STX8: variants seen among roughly 807,000 people sequenced by gnomAD.
STX8 encodes the protein syntaxin-8.
A neutral mutation model predicts 37.5 loss-of-function variants in STX8; 23 were observed. That is an observed-to-expected ratio of 0.61 (90% CI 0.44 to 0.87). The LOEUF is 0.87. Ranked by LOEUF, STX8 falls within the 40% of genes least tolerant of loss-of-function variation. STX8 has a pLI of 0.00. For missense variants in STX8, 313 were observed against 284.7 expected (o/e 1.10, Z -0.71); for synonymous variants, 115 against 99.1 (o/e 1.16, Z -0.95).
intron 4 of STX8, among the ~76,000 whole-genome samples, chr17:9,526,934 T>C (rs113269646): frequency 0.037 from 5,612 of 151,234 alleles, 381 homozygotes; most frequent in African/African-American, 0.13. Context: ...AATCCCAGCA[T>C]TTTGGGAGGC....
At chr17:9,322,252 A>C (rs981229076) in intron 7 of STX8, among the ~76,000 whole-genome samples, 3 of 152,246 alleles carry the variant, frequency 2.0e-5, no homozygotes, top group African/African-American at 7.2e-5. Context: ...CATTACAAAG[A>C]GGAAGATCTC....
At chr17:9,573,505 A>G (rs752179317) in intron 1 of STX8, among the ~76,000 whole-genome samples, 2 of 152,174 alleles carry the variant, frequency 1.3e-5, no homozygotes, top group Non-Finnish European at 2.9e-5. Context: ...TAAATCTTAC[A>G]TGTATTAATT....
At chr17:9,484,365 A>G (rs146286395) in intron 6 of STX8, among the ~76,000 whole-genome samples, 1,630 of 151,148 alleles carry the variant, frequency 0.011, 12 homozygotes, top group Non-Finnish European at 0.018. Context: ...TTAAGAGAAA[A>G]GGATGCCCAA....
intron 7 of STX8, among the ~76,000 whole-genome samples, chr17:9,256,809 G>C (rs557952469): frequency 6.6e-6 from 1 of 152,156 alleles, no homozygotes; most frequent in African/African-American, 2.4e-5. Flanking sequence ...CATCGTACTC[G>C]GTCACGTGTG....
At chr17:9,564,227 G>C (rs919286413) in intron 2 of STX8, among the ~76,000 whole-genome samples, 13 of 152,108 alleles carry the variant, frequency 8.5e-5, no homozygotes, top group Non-Finnish European at 1.6e-4. Flanking sequence ...CATAGTATTG[G>C]AAGTCCTGAC....
intron 7 of STX8, among the ~76,000 whole-genome samples, chr17:9,308,120 A>G (rs150033145): frequency 4.6e-5 from 7 of 152,348 alleles, no homozygotes; most frequent in African/African-American, 1.4e-4. Context: ...CTTAGATTCA[A>G]TGAAGAGTGG....
chr17:9,556,585 G>A lies in STX8; in HGVS notation c.212+849C>T, dbSNP rs546522989. Among the ~76,000 whole-genome samples, 257 of 151,720 alleles carry A rather than the reference G, an allele frequency of 1.7e-3. 1 individual carries two copies. The highest frequency in any genetic ancestry group is 4.4e-3 in the South Asian group (21 of 4,796). On this transcript the variant is annotated intron_variant, in intron 3 of 7. Transcript: ENST00000306357. ...ACCTCCTGAGTAGCTGGGAGTACAGGCGTGCACCACCACGCCCAGCTAATT... is the reference window on the plus strand; with the variant it reads ...ACCTCCTGAGTAGCTGGGAGTACAGACGTGCACCACCACGCCCAGCTAATT...
At chr17:9,261,263 C>G (rs1384756111) in intron 7 of STX8, among the ~76,000 whole-genome samples, 1 of 152,192 alleles carries the variant, frequency 6.6e-6, no homozygotes, top group African/African-American at 2.4e-5. Context: ...CACGGCCCGG[C>G]CAGGGCGAGT....
At chr17:9,344,318 T>G (rs1363002966) in intron 7 of STX8, among the ~76,000 whole-genome samples, 1 of 151,190 alleles carries the variant, frequency 6.6e-6, no homozygotes, top group African/African-American at 2.5e-5. Flanking sequence ...TGTCATGCAA[T>G]GTCGTGATCT....
chr17:9,280,430 G>C (rs1484068042), intron 7 of STX8, among the ~76,000 whole-genome samples: 1 of 152,180 alleles, frequency 6.6e-6, no homozygotes, highest in African/African-American at 2.4e-5. Flanking sequence ...GCGGGCGCCT[G>C]TAATCCCAGC....
chr17:9,458,917 C>G (rs1009134168), intron 6 of STX8, among the ~76,000 whole-genome samples: 1 of 150,996 alleles, frequency 6.6e-6, no homozygotes, highest in African/African-American at 2.4e-5. Flanking sequence ...GCAAGCTCCA[C>G]CTCCCGGGTT....
At chr17:9,427,701 T>TC (rs1913689582) in intron 6 of STX8, among the ~76,000 whole-genome samples, 1 of 152,098 alleles carries the variant, frequency 6.6e-6, no homozygotes, top group African/African-American at 2.4e-5. Context: ...AGAGTGGAGT[T>TC]CTGAGCCAGG....
chr17:9,365,912 G>A (rs1039942870), intron 7 of STX8, among the ~76,000 whole-genome samples: 1 of 152,190 alleles, frequency 6.6e-6, no homozygotes, highest in Non-Finnish European at 1.5e-5. Context: ...GATGGAGGTT[G>A]CAGTGAGCTG....
chr17:9,273,583 G>A (rs905335427), intron 7 of STX8: 3 of 152,336 alleles, frequency 2.0e-5, no homozygotes, highest in African/African-American at 7.2e-5. Flanking sequence ...CCGGGGGTGG[G>A]AAGTAGAGCT....
In STX8 at chr17:9,389,464, G is replaced by C. The variant is rs191503099; in HGVS notation, c.542-10811C>G. Among the ~76,000 whole-genome samples the C allele has an allele frequency of 4.2e-3, 633 of 152,306 alleles. 5 individuals are homozygous for C. Among genetic ancestry groups the C allele is most frequent in the African/African-American group, 0.014 (584 of 41,556 alleles). ...ATCACATGTTAATCTGAGATATCGA[G>C]TGACATTCCAGCACAGAATGGACAA... On this transcript the variant is annotated intron_variant, in intron 6 of 7. Coordinates refer to ENST00000306357, the MANE Select transcript of STX8 (RefSeq NM_004853.3).
intron 6 of STX8, among the ~76,000 whole-genome samples, chr17:9,425,960 C>T (rs1043190053): frequency 2.0e-5 from 3 of 152,106 alleles, no homozygotes; most frequent in Admixed American, 6.6e-5. Context: ...TGAAACATGG[C>T]TCCAAAGTCC....
intron 6 of STX8, among the ~76,000 whole-genome samples, chr17:9,393,002 T>G (rs1466388450): frequency 1.3e-5 from 2 of 152,114 alleles, no homozygotes; most frequent in Non-Finnish European, 1.5e-5. Context: ...TTTGAGAAGC[T>G]CAGCAAACCC....
At chr17:9,368,096 A>T (rs1462647296) in intron 7 of STX8, among the ~76,000 whole-genome samples, 3 of 152,238 alleles carry the variant, frequency 2.0e-5, no homozygotes, top group Non-Finnish European at 2.9e-5. Flanking sequence ...AGAAAAGATG[A>T]CTGGGAGTAA....
At chr17:9,455,730 AG>A (rs909552807) in intron 6 of STX8, among the ~76,000 whole-genome samples, 2 of 152,240 alleles carry the variant, frequency 1.3e-5, no homozygotes, top group African/African-American at 4.8e-5. Context: ...AAATATGGAC[AG>A]GAATACAGAC....
Sources: allele counts gnomAD v4.1 joint callset (sites outside exome capture counted in the v4.1 genomes callset), GRCh38; gene constraint gnomAD v4.1.1; transcripts MANE v1.5; gene names NCBI Gene and HGNC (gene_info 2026-07-23, HGNC 2026-07-21).